ENAH: variants seen among roughly 807,000 people sequenced by gnomAD.
ENAH encodes the protein ENAH actin regulator, also known as protein enabled homolog.
A neutral mutation model predicts 78.7 loss-of-function variants in ENAH; 23 were observed. The ratio of observed to expected loss-of-function variants is 0.29; its 90% CI spans 0.21 to 0.41. ENAH has a LOEUF of 0.41. ENAH is among the 10% of genes least tolerant of loss of function. The probability of loss-of-function intolerance (pLI) is 1.00; values close to 1 mark genes in which losing one functional copy is unlikely to be tolerated. For synonymous variants in ENAH, 226 were observed against 241.0 expected, an observed-to-expected ratio of 0.94 and a Z score of 0.58; for missense variants, 544 against 691.0, an observed-to-expected ratio of 0.79 and a Z score of 2.39.
At chr1:225,589,889 C>T (rs1020579200) in intron 1 of ENAH, among the ~76,000 whole-genome samples, 3 of 152,104 alleles carry the variant, frequency 2.0e-5, no homozygotes, top group African/African-American at 7.2e-5. Flanking sequence ...ACTCCCCGTG[C>T]AGCTTTTTCT....
intron 1 of ENAH, 130 bp downstream of exon 1, chr1:225,652,556 G>T (rs1276733030): frequency 1.9e-6 from 2 of 1,063,378 alleles, no homozygotes; most frequent in Middle Eastern, 3.4e-4. Flanking sequence ...AGGCGGAGGG[G>T]GGAGGAACAG....
At chr1:225,602,784 CT>C (rs893634578) in intron 1 of ENAH, among the ~76,000 whole-genome samples, 3 of 152,086 alleles carry the variant, frequency 2.0e-5, no homozygotes, top group Admixed American at 1.3e-4. Flanking sequence ...AAAACTGTCA[CT>C]GCTGCTGATG....
intron 1 of ENAH, among the ~76,000 whole-genome samples, chr1:225,598,044 G>A (rs892025500): frequency 6.6e-6 from 1 of 151,376 alleles, no homozygotes; most frequent in Admixed American, 6.6e-5. Flanking sequence ...CCTTTTTTAA[G>A]GTAAGGAGAC....
intron 1 of ENAH, among the ~76,000 whole-genome samples, chr1:225,626,266 C>T (rs1657931799): frequency 6.6e-6 from 1 of 152,132 alleles, no homozygotes. Context: ...CTATCAGTGC[C>T]AACAAAAAAA....
intron 11 of ENAH, among the ~76,000 whole-genome samples, chr1:225,503,658 C>CAAAAAAAAAAAAAA (rs10683254): frequency 8.4e-5 from 7 of 82,944 alleles, no homozygotes; most frequent in Admixed American, 1.5e-4. Context: ...CAAACCACCT[C>CAAAAAAAAAAAAAA]AAAAAAAAAA....
At chr1:225,509,251 A>G (rs932498639) in intron 10 of ENAH, among the ~76,000 whole-genome samples, 1 of 152,116 alleles carries the variant, frequency 6.6e-6, no homozygotes, top group African/African-American at 2.4e-5. Context: ...GGAAGTCCTG[A>G]ATGAAACTGA....
At chr1:225,539,433 A>G (rs2096578465) in intron 3 of ENAH, among the ~76,000 whole-genome samples, 2 of 152,224 alleles carry the variant, frequency 1.3e-5, no homozygotes. Context: ...TATATAAATG[A>G]TAAACACACA....
At chr1:225,613,790 C>A (rs2097006290) in intron 1 of ENAH, among the ~76,000 whole-genome samples, 2 of 152,144 alleles carry the variant, frequency 1.3e-5, no homozygotes, top group Non-Finnish European at 2.9e-5. Flanking sequence ...CTCCTGACAC[C>A]AGATTCTCTG....
In ENAH at chr1:225,487,464, G is replaced by A. The variant is rs2096205085; in HGVS notation, c.*10311C>T. 1 of 152,200 alleles carries A rather than the reference G, an allele frequency of 6.6e-6. No individual in the cohort carries two copies. Among genetic ancestry groups the A allele is most frequent in the Non-Finnish European group, 1.5e-5 (1 of 68,034 alleles). 9.4% of individuals were successfully genotyped at this position (152,200 alleles called of 1,614,324 possible). On this transcript the variant is annotated 3_prime_UTR_variant, in exon 14 of 14. Transcript: ENST00000366843. ...TGAGTCAAGCAAGCAGGAGCTTATA[G>A]TATGTTGATTTAAAACAAGTTGTTA...
rs1036301732 is a variant in ENAH at position 225,652,739 on chromosome 1, C to T, written c.-49G>A. ...CCCACCAGCCGGGAGACGCAGAAGG[C>T]GCCGAGCCGAGGGGGGGGTCTCTCC... On this transcript the variant is annotated 5_prime_UTR_variant, in exon 1 of 14. Transcript: ENST00000366843. 9.9e-6 allele frequency: 13 copies of T among 1,310,120 alleles called. No individual in the cohort carries two copies. Among genetic ancestry groups the T allele is most frequent in the African/African-American group, 1.5e-5 (1 of 65,222 alleles). The allele number at this position is 1,310,120 out of a possible 1,614,324, so 81.2% of individuals were successfully genotyped here.
chr1:225,579,378 T>C (rs1285417044), intron 1 of ENAH, among the ~76,000 whole-genome samples: 1 of 152,252 alleles, frequency 6.6e-6, no homozygotes, highest in Non-Finnish European at 1.5e-5. Flanking sequence ...AGGTTTATTT[T>C]AAAGGTTTCA....
intron 1 of ENAH, among the ~76,000 whole-genome samples, chr1:225,608,794 C>T (rs766973520): frequency 3.5e-5 from 4 of 115,892 alleles, no homozygotes; most frequent in African/African-American, 1.1e-4. Context: ...CCATCCTGGG[C>T]GACAGAGCGA....
chr1:225,625,349 T>C (rs897948167), intron 1 of ENAH, among the ~76,000 whole-genome samples: 1 of 152,212 alleles, frequency 6.6e-6, no homozygotes, highest in Non-Finnish European at 1.5e-5. Flanking sequence ...TCAGAGACTT[T>C]GCAAGAAATG....
At chr1:225,560,309 T>C (rs1435033736) in intron 2 of ENAH, among the ~76,000 whole-genome samples, 1 of 151,754 alleles carries the variant, frequency 6.6e-6, no homozygotes, top group Non-Finnish European at 1.5e-5. Context: ...CTGGCCAACA[T>C]GGCAAAACCC....
At chr1:225,554,500 GA>G (rs1259101464) in intron 3 of ENAH, among the ~76,000 whole-genome samples, 1 of 152,060 alleles carries the variant, frequency 6.6e-6, no homozygotes, top group Non-Finnish European at 1.5e-5. Context: ...TCCATGCTTT[GA>G]AAAATGTCTT....
At chr1:225,604,179 G>C (rs752660915) in intron 1 of ENAH, among the ~76,000 whole-genome samples, 1 of 152,140 alleles carries the variant, frequency 6.6e-6, no homozygotes, top group Non-Finnish European at 1.5e-5. Context: ...TTCAGTGGCA[G>C]ACATAAAAAC....
intron 12 of ENAH, among the ~76,000 whole-genome samples, chr1:225,499,819 C>G (rs1051942993): frequency 2.6e-5 from 4 of 152,174 alleles, no homozygotes; most frequent in African/African-American, 9.7e-5. Context: ...ACACTGAATA[C>G]CCCAGGAAAA....
chr1:225,627,353 A>G (rs1658138933), intron 1 of ENAH, among the ~76,000 whole-genome samples: 1 of 152,224 alleles, frequency 6.6e-6, no homozygotes, highest in Admixed American at 6.5e-5. Context: ...AAATAAATCT[A>G]GGAATAAGCA....
At chr1:225,586,499 G>C (rs919972670) in intron 1 of ENAH, among the ~76,000 whole-genome samples, 1 of 151,856 alleles carries the variant, frequency 6.6e-6, no homozygotes, top group African/African-American at 2.4e-5. Flanking sequence ...CATGAGACCA[G>C]CGTGATCCCA....
Sources: gnomAD v4.1 joint callset for allele counts (sites outside exome capture counted in the v4.1 genomes callset) on GRCh38, gnomAD v4.1.1 for gene constraint, MANE v1.5 for transcripts, NCBI Gene and HGNC (gene_info 2026-07-23, HGNC 2026-07-21) for gene names.